The following CDH18 variants were observed in gnomAD, a reference collection of about 807,000 sequenced individuals.
CDH18 encodes cadherin-18.
Under a neutral mutation model 67.9 loss-of-function variants are expected in CDH18, and 31 were observed. That is an observed-to-expected ratio of 0.46 (90% CI 0.34 to 0.62). The LOEUF is 0.62. Among genes scored for constraint, CDH18 ranks in the 20% least tolerant of loss-of-function variants. The pLI, the probability that CDH18 is intolerant of heterozygous loss-of-function variation, is 0.01. For missense variants in CDH18, 890 were observed against 975.5 expected (o/e 0.91, Z 1.17); for synonymous variants, 362 against 347.2 (o/e 1.04, Z -0.48).
chr5:19,955,672 A>T (rs1453829108), intron 2 of CDH18, among the ~76,000 whole-genome samples: 2 of 152,122 alleles, frequency 1.3e-5, no homozygotes, highest in African/African-American at 4.8e-5. Flanking sequence ...TTGCTAAAGA[A>T]TTTAATGAAA....
intron 1 of CDH18, among the ~76,000 whole-genome samples, chr5:20,411,245 A>G (rs896559513): frequency 1.3e-5 from 2 of 152,038 alleles, no homozygotes; most frequent in Non-Finnish European, 2.9e-5. Flanking sequence ...TGCTACTGGC[A>G]TAAAAACCAA....
chr5:20,066,670 ACTTT>A (rs549842198), intron 2 of CDH18, among the ~76,000 whole-genome samples: 119 of 152,112 alleles, frequency 7.8e-4, no homozygotes, highest in South Asian at 2.7e-3. Flanking sequence ...AATTTTTCAT[ACTTT>A]TTTTCTTTAA....
intron 11 of CDH18, among the ~76,000 whole-genome samples, chr5:19,496,227 A>T (rs115237265): frequency 2.0e-5 from 3 of 152,278 alleles, no homozygotes; most frequent in Non-Finnish European, 2.9e-5. Context: ...TCAGAGACAA[A>T]CTGAAACTAA....
At chr5:20,284,528 C>A (rs182846728) in intron 1 of CDH18, among the ~76,000 whole-genome samples, 1 of 151,866 alleles carries the variant, frequency 6.6e-6, no homozygotes, top group Non-Finnish European at 1.5e-5. Context: ...GTTATTGGAA[C>A]GATTGACATT....
intron 1 of CDH18, among the ~76,000 whole-genome samples, chr5:20,328,852 G>A (rs1439221113): frequency 6.6e-6 from 1 of 152,118 alleles, no homozygotes; most frequent in African/African-American, 2.4e-5. Flanking sequence ...ATAGTGCCTT[G>A]TGCCTGTAAT....
At chr5:20,135,195 G>A (rs886908927) in intron 2 of CDH18, among the ~76,000 whole-genome samples, 4 of 152,080 alleles carry the variant, frequency 2.6e-5, no homozygotes, top group Non-Finnish European at 5.9e-5. Flanking sequence ...TCTCCACCCT[G>A]AAGTAGAGTT....
chr5:20,053,112 G>C (rs1390357285), intron 2 of CDH18, among the ~76,000 whole-genome samples: 1 of 151,554 alleles, frequency 6.6e-6, no homozygotes, highest in Non-Finnish European at 1.5e-5. Context: ...TATGTGATCC[G>C]TCAGATCAGG....
At chr5:19,636,340 T>G (rs982466405) in intron 5 of CDH18, among the ~76,000 whole-genome samples, 1 of 151,960 alleles carries the variant, frequency 6.6e-6, no homozygotes, top group East Asian at 2.0e-4. Flanking sequence ...TTACACCACA[T>G]AGTTATCCTG....
At chr5:20,262,396 G>GA (rs1744721974) in intron 1 of CDH18, among the ~76,000 whole-genome samples, 1 of 152,178 alleles carries the variant, frequency 6.6e-6, no homozygotes, top group African/African-American at 2.4e-5. Context: ...ACCTAAACTT[G>GA]ATAGTAATGT....
chr5:20,566,463 G>T (rs1758513631), intron 1 of CDH18, among the ~76,000 whole-genome samples: 1 of 146,162 alleles, frequency 6.8e-6, no homozygotes, highest in Non-Finnish European at 1.5e-5. Flanking sequence ...AGGTTCAGGT[G>T]ATTGTCCTGT....
At chr5:19,781,454 A>G (rs932620418) in intron 3 of CDH18, among the ~76,000 whole-genome samples, 1 of 152,188 alleles carries the variant, frequency 6.6e-6, no homozygotes, top group Non-Finnish European at 1.5e-5. Context: ...AATTATAATC[A>G]TAACAAAAGA....
chr5:20,341,093 C>T (rs575918553), intron 1 of CDH18, among the ~76,000 whole-genome samples: 1 of 152,284 alleles, frequency 6.6e-6, no homozygotes, highest in African/African-American at 2.4e-5. Context: ...CTCCCACATC[C>T]TTCCCTAACC....
intron 1 of CDH18, among the ~76,000 whole-genome samples, chr5:20,297,155 A>G (rs1329995723): frequency 1.3e-5 from 2 of 152,228 alleles, no homozygotes; most frequent in Non-Finnish European, 2.9e-5. Context: ...ATATTTTACT[A>G]AATTAAAAAT....
At chr5:20,185,905 C>G (rs1270950816) in intron 2 of CDH18, among the ~76,000 whole-genome samples, 1 of 151,216 alleles carries the variant, frequency 6.6e-6, no homozygotes, top group East Asian at 1.9e-4. Flanking sequence ...TGGAAGAGTA[C>G]CATATACCAA....
At chr5:20,414,794 G>A (rs1420522402) in intron 1 of CDH18, among the ~76,000 whole-genome samples, 2 of 152,046 alleles carry the variant, frequency 1.3e-5, no homozygotes, top group Admixed American at 6.6e-5. Flanking sequence ...TGTGAGAATG[G>A]CTATCATCAA....
chr5:20,233,461 ACAGT>A (rs1272659106), intron 2 of CDH18, among the ~76,000 whole-genome samples: 1 of 151,918 alleles, frequency 6.6e-6, no homozygotes, highest in Non-Finnish European at 1.5e-5. Flanking sequence ...ATTGACAGAT[ACAGT>A]CAGTTAGCAC....
chr5:20,060,555 T>C (rs773587250), intron 2 of CDH18, among the ~76,000 whole-genome samples: 1 of 152,202 alleles, frequency 6.6e-6, no homozygotes, highest in Admixed American at 6.5e-5. Flanking sequence ...GTTTGTGCTA[T>C]AACATTTTTC....
chr5:20,103,586 A>AT (rs61141279), intron 2 of CDH18, among the ~76,000 whole-genome samples: 4 of 149,824 alleles, frequency 2.7e-5, no homozygotes, highest in Non-Finnish European at 5.9e-5. Flanking sequence ...AAAAAAAAAA[A>AT]GCTGGGAGTG....
intron 1 of CDH18, among the ~76,000 whole-genome samples, chr5:20,483,399 A>G (rs989661304): frequency 1.3e-5 from 2 of 152,070 alleles, no homozygotes; most frequent in African/African-American, 2.4e-5. Context: ...AATGCGTTTC[A>G]CAGAAATAGA....
Sources: allele counts gnomAD v4.1 joint callset (sites outside exome capture counted in the v4.1 genomes callset), GRCh38; gene constraint gnomAD v4.1.1; transcripts MANE v1.5; gene names NCBI Gene and HGNC (gene_info 2026-07-23, HGNC 2026-07-21).